Variants in CNTLN observed in about 807,000 individuals in gnomAD.
The protein encoded by CNTLN is centlein, centrosomal protein.
A neutral mutation model predicts 180.0 loss-of-function variants in CNTLN; 212 were observed. The ratio of observed to expected loss-of-function variants is 1.18; its 90% CI spans 1.05 to 1.32. CNTLN has a LOEUF of 1.32. Ranked by LOEUF, CNTLN falls within the 40% of genes most tolerant of loss-of-function variation. The pLI is 0.00. For missense variants in CNTLN, 2,095 were observed against 1,610.9 expected (o/e 1.30, Z -5.14); for synonymous variants, 722 against 563.1 (o/e 1.28, Z -3.99).
At chr9:17,283,028 A>G (rs1486951994) in intron 6 of CNTLN, among the ~76,000 whole-genome samples, 1 of 152,060 alleles carries the variant, frequency 6.6e-6, no homozygotes, top group African/African-American at 2.4e-5. Flanking sequence ...GTGTAATGCC[A>G]CTGGCTTTGT....
chr9:17,219,995 C>T (rs1169125007), intron 2 of CNTLN, among the ~76,000 whole-genome samples: 1 of 151,912 alleles, frequency 6.6e-6, no homozygotes, highest in Non-Finnish European at 1.5e-5. Context: ...AATACTATGA[C>T]ATTGGTTATT....
intron 6 of CNTLN, among the ~76,000 whole-genome samples, chr9:17,277,766 C>G (rs780574779): frequency 4.6e-5 from 7 of 152,028 alleles, no homozygotes; most frequent in Non-Finnish European, 8.8e-5. Context: ...TACAATATTA[C>G]TGGAGGTATG....
intron 18 of CNTLN, 67 bp from the exon 19 acceptor site, chr9:17,457,457 A>C: frequency 1.2e-6 from 1 of 850,852 alleles, no homozygotes; most frequent in Non-Finnish European, 1.6e-6. Context: ...TTATGCTGAT[A>C]ATTGTTAGAT....
At chr9:17,208,091 T>G (rs115767193) in intron 2 of CNTLN, among the ~76,000 whole-genome samples, 2,075 of 152,278 alleles carry the variant, frequency 0.014, 54 homozygotes, top group African/African-American at 0.048. Context: ...ATATTAATAC[T>G]AGCTTTTGGT....
intron 6 of CNTLN, among the ~76,000 whole-genome samples, chr9:17,290,040 C>T (rs551925188): frequency 2.6e-4 from 40 of 152,266 alleles, no homozygotes; most frequent in African/African-American, 7.7e-4. Flanking sequence ...AGCTTTTTTC[C>T]GTTGCTGGTG....
intron 2 of CNTLN, among the ~76,000 whole-genome samples, chr9:17,219,284 A>G (rs954974473): frequency 6.6e-6 from 1 of 150,498 alleles, no homozygotes; most frequent in African/African-American, 2.5e-5. Flanking sequence ...TTGTAAGTAC[A>G]TAGAAGTACA....
intron 8 of CNTLN, among the ~76,000 whole-genome samples, chr9:17,326,444 C>T (rs904223713): frequency 1.3e-5 from 2 of 151,372 alleles, no homozygotes; most frequent in African/African-American, 4.9e-5. Flanking sequence ...TGTAAAGCAG[C>T]CCTTAAAAAG....
chr9:17,286,664 T>C lies in CNTLN; in HGVS notation c.984-11526T>C, dbSNP rs1038680938. ...CATGGAATGTTCTTCCATTTGTTTGTATCCTCTTTTATTTCATTGAGCAGT... is the reference window on the plus strand; with the variant it reads ...CATGGAATGTTCTTCCATTTGTTTGCATCCTCTTTTATTTCATTGAGCAGT... On this transcript the variant is annotated intron_variant, in intron 6 of 25. Transcript: ENST00000380647. Among the ~76,000 whole-genome samples the C allele has an allele frequency of 5.6e-5, 7 of 124,468 alleles. 1 individual carries two copies. Among genetic ancestry groups the C allele is most frequent in the African/African-American group, 2.1e-4 (6 of 28,112 alleles). 81.7% of individuals were successfully genotyped at this position (124,468 alleles called of 152,430 possible).
At chr9:17,349,697 A>G (rs1822202935) in intron 12 of CNTLN, among the ~76,000 whole-genome samples, 1 of 152,138 alleles carries the variant, frequency 6.6e-6, no homozygotes, top group South Asian at 2.1e-4. Context: ...ATTTATATTT[A>G]TAAGATATAT....
At chr9:17,401,245 A>T (rs16935616) in intron 15 of CNTLN, among the ~76,000 whole-genome samples, 4 of 152,170 alleles carry the variant, frequency 2.6e-5, no homozygotes, top group Non-Finnish European at 4.4e-5. Context: ...TTTTTGATGG[A>T]TGACCAGACT....
chr9:17,492,183 G>A (rs114343459), intron 25 of CNTLN, among the ~76,000 whole-genome samples: 3,348 of 151,970 alleles, frequency 0.022, 133 homozygotes, highest in African/African-American at 0.077. Context: ...TCACTAGAAT[G>A]TGATTACAGT....
intron 25 of CNTLN, among the ~76,000 whole-genome samples, chr9:17,493,663 A>C (rs1359556432): frequency 1.3e-5 from 2 of 152,228 alleles, no homozygotes; most frequent in African/African-American, 4.8e-5. Flanking sequence ...GCTGCAGAAA[A>C]TAGAACAAGA....
chr9:17,299,905 T>A, intron 7 of CNTLN: 1 of 506,808 alleles, frequency 2.0e-6, no homozygotes, highest in Middle Eastern at 1.0e-3. Context: ...TTCCTTCAGT[T>A]TTTAGCTGTC....
intron 2 of CNTLN, among the ~76,000 whole-genome samples, chr9:17,156,716 C>G (rs1370938066): frequency 1.3e-5 from 2 of 152,106 alleles, no homozygotes; most frequent in Non-Finnish European, 2.9e-5. Flanking sequence ...GGTTCAGTTC[C>G]AGACCACTGC....
At chr9:17,344,687 A>T (rs1230231788) in intron 12 of CNTLN, among the ~76,000 whole-genome samples, 1 of 152,218 alleles carries the variant, frequency 6.6e-6, no homozygotes, top group East Asian at 1.9e-4. Context: ...ATGATAAAAC[A>T]ATAAGGCATT....
At chr9:17,443,669 G>T (rs1456770468) in intron 18 of CNTLN, among the ~76,000 whole-genome samples, 1 of 152,120 alleles carries the variant, frequency 6.6e-6, no homozygotes, top group East Asian at 1.9e-4. Context: ...GGCATTCATT[G>T]TATTTTTCTT....
At chr9:17,374,018 G>C (rs1824547404) in intron 13 of CNTLN, among the ~76,000 whole-genome samples, 1 of 152,148 alleles carries the variant, frequency 6.6e-6, no homozygotes, top group Non-Finnish European at 1.5e-5. Flanking sequence ...ACTACTAAAA[G>C]AAAACATTGG....
intron 2 of CNTLN, among the ~76,000 whole-genome samples, chr9:17,213,638 C>G (rs951663028): frequency 1.3e-5 from 2 of 152,116 alleles, no homozygotes; most frequent in African/African-American, 4.8e-5. Context: ...GTTGGTCTGT[C>G]TAATGTTGAC....
the CNTLN span, among the ~76,000 whole-genome samples, chr9:17,515,497 G>A: frequency 5.9e-5 from 9 of 151,976 alleles, no homozygotes; most frequent in Non-Finnish European, 8.8e-5. Context: ...CTACTTGATG[G>A]TCTAATAGGT....
Sources: gnomAD v4.1 joint callset for allele counts (sites outside exome capture counted in the v4.1 genomes callset) on GRCh38, gnomAD v4.1.1 for gene constraint, MANE v1.5 for transcripts, NCBI Gene and HGNC (gene_info 2026-07-23, HGNC 2026-07-21) for gene names.